Variants in ASMTL observed in about 807,000 individuals in gnomAD.
The protein encoded by ASMTL is acetylserotonin O-methyltransferase like, also known as probable bifunctional dTTP/UTP pyrophosphatase/methyltransferase protein.
In ASMTL, 57 loss-of-function variants were observed where a neutral mutation model predicts 60.3. The ratio of observed to expected loss-of-function variants is 0.95; its 90% CI spans 0.76 to 1.18. ASMTL has a LOEUF of 1.18. Ranked by LOEUF, ASMTL falls within the 50% of genes most tolerant of loss-of-function variation. ASMTL has a pLI of 0.00. For missense variants in ASMTL, 981 were observed against 852.6 expected, an observed-to-expected ratio of 1.15 and a Z score of -1.88; for synonymous variants, 419 against 373.0, an observed-to-expected ratio of 1.12 and a Z score of -1.42.
chrX:1,406,992 T>C (rs1328914752), intron 12 of ASMTL, among the ~76,000 whole-genome samples: 3 of 151,366 alleles, frequency 2.0e-5, no homozygotes, highest in Non-Finnish European at 2.9e-5. Context: ...AATGGATGGA[T>C]AGATGCATGG....
intron 8 of ASMTL, among the ~76,000 whole-genome samples, chrX:1,424,201 C>A (rs1464726984): frequency 7.5e-6 from 1 of 132,530 alleles, no homozygotes; most frequent in East Asian, 2.4e-4. Flanking sequence ...CCCATCTGTT[C>A]ACCCACCCTC....
chrX:1,411,227 A>G (rs1287449162), intron 12 of ASMTL, among the ~76,000 whole-genome samples: 3 of 17,796 alleles, frequency 1.7e-4, no homozygotes, highest in Non-Finnish European at 5.2e-4. Context: ...GAGAGAAAGA[A>G]GGAGAGACAG....
upstream of ASMTL, chrX:1,453,042 C>G (rs1399080620): frequency 5.7e-6 from 3 of 521,880 alleles, no homozygotes; most frequent in Non-Finnish European, 6.3e-6. Context: ...CCATTGAACA[C>G]TCCGTCAGGC....
chrX:1,416,420 GACA>G, intron 11 of ASMTL, among the ~76,000 whole-genome samples: 1 of 21,896 alleles, frequency 4.6e-5, no homozygotes, highest in South Asian at 6.3e-3. Context: ...TACACCAACA[GACA>G]GGCACACGCA....
At position 1,439,251 on chromosome X, in the gene ASMTL, C is replaced by A. The variant is rs1403207392; in HGVS notation, c.226-107G>T. ...AGAGCACCGCAGGGGCGAAGCCAGGCCGACTTTGGAAGTGAAGGCTGGGGG... is the reference window on the plus strand; with the variant it reads ...AGAGCACCGCAGGGGCGAAGCCAGGACGACTTTGGAAGTGAAGGCTGGGGG... On this transcript the variant is annotated intron_variant, in intron 2 of 12. Coordinates refer to ENST00000381317, the MANE Select transcript of ASMTL (RefSeq NM_004192.4). 10 of 1,203,578 alleles carry A rather than the reference C, an allele frequency of 8.3e-6. No individual in the cohort carries two copies. In the East Asian group the frequency reaches 2.1e-4, roughly 26 times the overall value. The allele number at this position is 1,203,578 out of a possible 1,614,324, so 74.6% of individuals were successfully genotyped here. A position where few individuals can be genotyped will look rare whatever the true frequency, so the allele number is the denominator to read the frequency against.
chrX:1,435,900 AC>A, intron 3 of ASMTL, 142 bp from the exon 4 acceptor site: 1 of 738,368 alleles, frequency 1.4e-6, no homozygotes, highest in South Asian at 1.5e-5. Context: ...CAAACAACTA[AC>A]CAGAGTTGCC....
chrX:1,438,211 A>G (rs1399131920), intron 3 of ASMTL, among the ~76,000 whole-genome samples: 2 of 151,516 alleles, frequency 1.3e-5, no homozygotes, highest in African/African-American at 4.9e-5. Context: ...TGAACCCGGG[A>G]GGCGGAGGTC....
At chrX:1,411,410 C>T (rs1316501645) in intron 12 of ASMTL, among the ~76,000 whole-genome samples, 1 of 152,194 alleles carries the variant, frequency 6.6e-6, no homozygotes, top group Non-Finnish European at 1.5e-5. Context: ...GAGTGCCCGT[C>T]AGATTCCCTC....
chrX:1,433,989 G>A (rs1401580013), intron 5 of ASMTL, among the ~76,000 whole-genome samples: 1 of 152,194 alleles, frequency 6.6e-6, no homozygotes. Context: ...CTACAGGTGT[G>A]ACCAGGGATA....
chrX:1,441,906 G>A (rs2091118019), intron 2 of ASMTL: 2 of 424,786 alleles, frequency 4.7e-6, no homozygotes, highest in Non-Finnish European at 8.4e-6. Context: ...CATAGTAACA[G>A]ATAAGCTACA....
At chrX:1,429,353 A>G (rs1482104620) in intron 6 of ASMTL, among the ~76,000 whole-genome samples, 1 of 151,746 alleles carries the variant, frequency 6.6e-6, no homozygotes, top group East Asian at 1.9e-4. Context: ...TAGCAGGGAC[A>G]CACTCAGCTA....
intron 12 of ASMTL, 141 bp downstream of exon 12, chrX:1,412,591 G>C: frequency 9.0e-7 from 1 of 1,108,072 alleles, no homozygotes; most frequent in Admixed American, 1.9e-5. Context: ...TGAAACTCCT[G>C]ACCTCAGGTG....
chrX:1,448,619 ACCATCTTGGACACACACCG>A (rs2091283502), intron 1 of ASMTL, among the ~76,000 whole-genome samples: 1 of 150,820 alleles, frequency 6.6e-6, no homozygotes, highest in Admixed American at 6.6e-5. Context: ...GATAAGCACC[ACCATCTTGGACACACACCG>A]CCATCTTGGA....
chrX:1,435,567 C>CA (rs2090939597), intron 4 of ASMTL, 127 bp downstream of exon 4: 2 of 884,390 alleles, frequency 2.3e-6, no homozygotes, highest in Admixed American at 4.0e-5. Flanking sequence ...CAGCACAGCT[C>CA]AGACAGCACA....
chrX:1,436,322 C>T (rs1430946525), intron 3 of ASMTL, among the ~76,000 whole-genome samples: 3 of 152,156 alleles, frequency 2.0e-5, no homozygotes, highest in South Asian at 2.1e-4. Flanking sequence ...TACAGGTGCA[C>T]ACCACCATGC....
At chrX:1,429,711 C>T (rs2090715580) in intron 6 of ASMTL, among the ~76,000 whole-genome samples, 2 of 151,928 alleles carry the variant, frequency 1.3e-5, no homozygotes, top group Middle Eastern at 3.2e-3. Context: ...GCAGGAGAAT[C>T]GTTTGAAACT....
Position 1,428,012 on chromosome X carries a change from G to C in ASMTL, c.619C>G (p.Gln207Glu), listed in dbSNP as rs1446584534. The part of the protein sequence containing the change: ...VGFPLNHFCK[Q>E]LVKLYYPPRP... ...GGCGGGTAGTAGAGCTTCACCAGCT[G>C]CTTGCAGAAGTGGTTCAGCGGGAAT... Residue 207 changes from glutamine to glutamate, a missense_variant, in exon 7 of 13, where the codon CAG (glutamine) becomes GAG (glutamate). Gln to Glu is a conservative substitution (Grantham distance 29). Transcript: ENST00000381317. 1.2e-6 allele frequency: 2 copies of C among 1,613,688 alleles called. No individual in the cohort carries two copies. Among genetic ancestry groups the C allele is most frequent in the South Asian group, 1.1e-5 (1 of 91,078 alleles).
intron 12 of ASMTL, among the ~76,000 whole-genome samples, chrX:1,406,832 G>C (rs1428003594): frequency 6.6e-6 from 1 of 151,772 alleles, no homozygotes; most frequent in African/African-American, 2.4e-5. Flanking sequence ...ATGATGGGTA[G>C]GTAGATGAAT....
At chrX:1,431,966 G>A (rs1262059966) in intron 6 of ASMTL, 1 of 447,620 alleles carries the variant, frequency 2.2e-6, no homozygotes. Flanking sequence ...AGACCTCTGG[G>A]GTCTCCTCCT....
Sources: allele counts gnomAD v4.1 joint callset (sites outside exome capture counted in the v4.1 genomes callset), GRCh38; gene constraint gnomAD v4.1.1; transcripts MANE v1.5; gene names NCBI Gene and HGNC (gene_info 2026-07-23, HGNC 2026-07-21).